CD163: variants seen among roughly 807,000 people sequenced by gnomAD.
The protein encoded by CD163 is CD163 molecule, also known as scavenger receptor cysteine-rich type 1 protein M130.
Under a neutral mutation model 129.2 loss-of-function variants are expected in CD163, and 64 were observed. The observed-to-expected ratio is 0.50, with a 90% CI of 0.41 to 0.61. The LOEUF is 0.61. Among genes scored for constraint, CD163 ranks in the 20% least tolerant of loss-of-function variants. The pLI, the probability that CD163 is intolerant of heterozygous loss-of-function variation, is 0.00. For missense variants in CD163, 1,061 were observed against 1,377.9 expected, an observed-to-expected ratio of 0.77 and a Z score of 3.64; for synonymous variants, 446 against 478.5, an observed-to-expected ratio of 0.93 and a Z score of 0.89.
chr12:7,487,238 T>C lies in CD163; in HGVS notation c.2050+121A>G. 8.7e-7 allele frequency: 1 copy of C among 1,145,038 alleles called. No individual in the cohort carries two copies. Among genetic ancestry groups the C allele is most frequent in the Non-Finnish European group, 1.2e-6 (1 of 827,374 alleles). 70.9% of individuals were successfully genotyped at this position (1,145,038 alleles called of 1,614,324 possible). On this transcript the variant is annotated intron_variant, in intron 8 of 16. Coordinates refer to ENST00000432237, the MANE Select transcript of CD163 (RefSeq NM_203416.4). This position sits in a 1 kb window ranked among gnomAD's most constrained non-coding sequence, Gnocchi z 5.1. ...CAAATGAGGTTAATATTCTGAAGCA[T>C]GAATTAGTATTCATTCTTCTCATGA... is the stretch of plus-strand genomic sequence containing the variant.
chr12:7,499,764 G>A (rs1395552151), intron 3 of CD163, among the ~76,000 whole-genome samples: 1 of 152,110 alleles, frequency 6.6e-6, no homozygotes, highest in East Asian at 1.9e-4. Context: ...TTAAAAATAA[G>A]AGGAAAGAAG....
intron 1 of CD163, 125 bp downstream of exon 1, chr12:7,503,520 G>C (rs1949521668): frequency 1.8e-6 from 1 of 565,360 alleles, no homozygotes; most frequent in African/African-American, 1.9e-5. Context: ...TGCCATATAA[G>C]CCTATGTCCT....
chr12:7,487,350 TC>T lies in CD163; in HGVS notation c.2050+8del. The stretch of plus-strand genomic sequence containing the variant: ...AAGACCCATCACTGGCTGCCCGTCA[TC>T]CTCTTACCTGAGCAGATTACAGAGG... On this transcript the variant is annotated splice_region_variant and intron_variant, in intron 8 of 16. Coordinates refer to ENST00000432237, the MANE Select transcript of CD163 (RefSeq NM_203416.4). This position sits in a 1 kb window ranked among gnomAD's most constrained non-coding sequence, Gnocchi z 5.1. 1 of 1,555,100 alleles carries T rather than the reference TC, an allele frequency of 6.4e-7. No individual in the cohort carries two copies. The highest frequency in any genetic ancestry group is 8.7e-7 in the Non-Finnish European group (1 of 1,153,704).
intron 11 of CD163, among the ~76,000 whole-genome samples, chr12:7,484,154 C>A (rs546323558): frequency 6.7e-5 from 10 of 148,502 alleles, no homozygotes; most frequent in Admixed American, 6.1e-4. Flanking sequence ...TATATTTTTA[C>A]AAAATTTATC....
intron 3 of CD163, 58 bp downstream of exon 3, chr12:7,501,081 A>T: frequency 6.9e-7 from 1 of 1,454,518 alleles, no homozygotes; most frequent in Non-Finnish European, 9.6e-7. Context: ...TAACCCATCT[A>T]CATATTTTTT....
At position 7,495,394 on chromosome 12, in the gene CD163, T is replaced by C. The variant is rs769437855; in HGVS notation, c.1107A>G (p.Ser369=). The part of the protein sequence containing the change: ...EDAGVTCSDG[S]DLELRLRGGG... ...CACCTCTAAGTCTTAGCTCCAGATC[T>C]GATCCATCTGCAAAAGAAACATAAA... Residue 369 remains serine (S), a synonymous_variant, in exon 6 of 17, where the codon TCA becomes TCG. Transcript: ENST00000432237. The C allele has an allele frequency of 1.2e-6, 2 of 1,612,470 alleles. No homozygotes were observed. Among genetic ancestry groups the C allele is most frequent in the South Asian group, 1.1e-5 (1 of 91,062 alleles).
chr12:7,482,822 T>C, intron 13 of CD163, 60 bp from the exon 14 acceptor site: 1 of 1,599,220 alleles, frequency 6.3e-7, no homozygotes, highest in Non-Finnish European at 8.5e-7. Flanking sequence ...TCAAGGTCCC[T>C]AGTTACTGAT....
chr12:7,478,631 T>C (rs956960350), intron 16 of CD163, among the ~76,000 whole-genome samples: 1 of 152,078 alleles, frequency 6.6e-6, no homozygotes, highest in Admixed American at 6.6e-5. Context: ...ATATATATAG[T>C]ATGTAAAATT....
At chr12:7,488,180 G>A (rs1464009919) in intron 6 of CD163, 93 bp from the exon 7 acceptor site, 9 of 1,295,388 alleles carry the variant, frequency 6.9e-6, no homozygotes, top group Admixed American at 2.6e-5. Context: ...AGTGGGAAAT[G>A]GAGACCAGGG....
chr12:7,486,391 C>A, intron 10 of CD163, 108 bp downstream of exon 10: 2 of 1,085,398 alleles, frequency 1.8e-6, no homozygotes, highest in East Asian at 4.8e-5. Context: ...CACAATAGTT[C>A]CTTTTGGATC....
intron 16 of CD163, among the ~76,000 whole-genome samples, chr12:7,473,479 T>C (rs1949036374): frequency 6.6e-6 from 1 of 152,136 alleles, no homozygotes; most frequent in South Asian, 2.1e-4. Context: ...AAGCTAAGCT[T>C]CATGAGTGAA....
intron 16 of CD163, among the ~76,000 whole-genome samples, chr12:7,472,536 A>G (rs934913148): frequency 6.6e-6 from 1 of 152,186 alleles, no homozygotes; most frequent in Non-Finnish European, 1.5e-5. Flanking sequence ...TAACATCAAC[A>G]AAAAGGACCC....
rs1369086796 is a variant in CD163 at position 7,496,278 on chromosome 12, G to A, written c.1099+535C>T. 2.0e-5 allele frequency among the ~76,000 whole-genome samples: 3 copies of A among 151,710 alleles called. No homozygotes were observed. Among genetic ancestry groups the A allele is most frequent in the Non-Finnish European group, 4.4e-5 (3 of 67,978 alleles). On this transcript the variant is annotated intron_variant, in intron 5 of 16. Coordinates refer to ENST00000432237, the MANE Select transcript of CD163 (RefSeq NM_203416.4). The surrounding 1 kb of genome is among the most constrained non-coding windows in gnomAD (Gnocchi z 4.8). Reference sequence around the variant, plus strand: ...CACTCATAACTGGGAGTTGAACAATGAGAACACACGGACACAGGGAGGGGA... The same window carrying A: ...CACTCATAACTGGGAGTTGAACAATAAGAACACACGGACACAGGGAGGGGA...
At chr12:7,497,196 T>C (rs1949415037) in intron 4 of CD163, 63 bp from the exon 5 acceptor site, 9 of 1,363,086 alleles carry the variant, frequency 6.6e-6, no homozygotes, top group Non-Finnish European at 9.2e-6. Flanking sequence ...TATAAATAGC[T>C]ATACCTGAGA....
intron 6 of CD163, among the ~76,000 whole-genome samples, chr12:7,488,475 C>G (rs1476776185): frequency 6.6e-6 from 1 of 152,178 alleles, no homozygotes; most frequent in African/African-American, 2.4e-5. Flanking sequence ...GGGGTCTGCT[C>G]AACCTTTTTG....
At chr12:7,499,294 G>A (rs932701940) in intron 3 of CD163, 106 bp from the exon 4 acceptor site, 7 of 982,572 alleles carry the variant, frequency 7.1e-6, no homozygotes, top group African/African-American at 1.6e-5. Context: ...TCCTTAAAAT[G>A]GTGCCTGATT....
chr12:7,502,307 T>C (rs1370461170), intron 2 of CD163, among the ~76,000 whole-genome samples, 171 bp downstream of exon 2: 1 of 152,260 alleles, frequency 6.6e-6, no homozygotes. Flanking sequence ...ACCATGCTAA[T>C]ATTTTGGTTA....
chr12:7,485,103 T>G lies in CD163; in HGVS notation c.2772A>C (p.Thr924=). 2 of 1,600,052 alleles carry G rather than the reference T, an allele frequency of 1.2e-6. No homozygotes were observed. The highest frequency in any genetic ancestry group is 1.3e-5 in the African/African-American group (1 of 74,874). ...AGGTCGATGGATACTCACTGTCACA[T>G]GTGATCCAGGTCTCCTCCGAGGGGC... ...LASPSEETWI[T]CDNKIRLQEG... The change falls in exon 11 of 17, where the codon ACA becomes ACC. Residue 924 remains threonine (T), a synonymous_variant. Transcript: ENST00000432237. This position sits in a 1 kb window ranked among gnomAD's most constrained non-coding sequence, Gnocchi z 4.5.
chr12:7,488,508 C>T (rs144847262), intron 6 of CD163, among the ~76,000 whole-genome samples: 1 of 152,258 alleles, frequency 6.6e-6, no homozygotes, highest in East Asian at 1.9e-4. Context: ...TAAAGCTTTT[C>T]AATATACTTC....
Sources: allele counts gnomAD v4.1 joint callset (sites outside exome capture counted in the v4.1 genomes callset), GRCh38; gene constraint gnomAD v4.1.1; non-coding constraint Gnocchi (gnomAD v3.1); transcripts MANE v1.5; gene names NCBI Gene and HGNC (gene_info 2026-07-23, HGNC 2026-07-21).